Variants in PCDHA10 observed in about 807,000 individuals in gnomAD.
PCDHA10 encodes the protein protocadherin alpha-10.
Under a neutral mutation model 61.2 loss-of-function variants are expected in PCDHA10, and 45 were observed. The observed-to-expected ratio is 0.74, with a 90% CI of 0.58 to 0.94. The LOEUF is 0.94. Ranked by LOEUF, PCDHA10 falls within the 40% of genes least tolerant of loss-of-function variation. The probability of loss-of-function intolerance (pLI) is 0.00; values close to 1 mark genes in which losing one functional copy is unlikely to be tolerated. For synonymous variants in PCDHA10, 602 were observed against 548.8 expected (o/e 1.10, Z -1.35); for missense variants, 1,278 against 1,236.2 (o/e 1.03, Z -0.51).
chr5:140,906,889 G>T (rs1397235059), intron 1 of PCDHA10, among the ~76,000 whole-genome samples: 1 of 152,172 alleles, frequency 6.6e-6, no homozygotes, highest in Non-Finnish European at 1.5e-5. Flanking sequence ...TTCCTTCTTA[G>T]ATTGTTGGTT....
chr5:140,966,958 G>T (rs561982676), intron 1 of PCDHA10: 4 of 1,602,380 alleles, frequency 2.5e-6, no homozygotes, highest in African/African-American at 2.7e-5. Context: ...TGGCTCGCGC[G>T]CTGGGGCTTG....
intron 1 of PCDHA10, among the ~76,000 whole-genome samples, chr5:140,939,691 G>A (rs782722243): frequency 3.5e-4 from 53 of 152,250 alleles, no homozygotes; most frequent in African/African-American, 1.2e-3. Context: ...TGTGTTGCTG[G>A]ACATTATCAT....
rs782083775 is a variant in PCDHA10 at position 140,857,620 on chromosome 5, C to T, written c.1572C>T (p.His524=). 2 of 1,596,564 alleles carry T rather than the reference C, an allele frequency of 1.3e-6. No homozygotes were observed. The highest frequency in any genetic ancestry group is 2.2e-5 in the East Asian group (1 of 44,828). Residue 524 remains histidine (H), a synonymous_variant, in exon 1 of 4, where the codon CAC becomes CAT. Coordinates refer to ENST00000307360, the MANE Select transcript of PCDHA10 (RefSeq NM_018901.4). The part of the protein sequence containing the change: ...GKVYALQPLD[H]EELELLQFQV... ...TGTACGCGCTGCAGCCGCTGGACCACGAGGAGCTGGAGCTGCTACAGTTCC... is the reference window on the plus strand; with the variant it reads ...TGTACGCGCTGCAGCCGCTGGACCATGAGGAGCTGGAGCTGCTACAGTTCC...
rs189226531 is a variant in PCDHA10, at chr5:140,874,455, T to C, written c.2388+16019T>C. 5.3e-5 allele frequency among the ~76,000 whole-genome samples: 8 copies of C among 152,332 alleles called. No homozygotes were observed. The East Asian group carries it at 1.5e-3, about 29-fold the overall frequency. On this transcript the variant is annotated intron_variant, in intron 1 of 3. Coordinates refer to ENST00000307360, the MANE Select transcript of PCDHA10 (RefSeq NM_018901.4). ...CATGTCCTAACTACTAAATGACCTG[T>C]AGGGGAAGATTTAGAGAAAAAGCAA...
chr5:140,983,113 A>G (rs2097027812), intron 3 of PCDHA10, among the ~76,000 whole-genome samples: 2 of 152,254 alleles, frequency 1.3e-5, no homozygotes, highest in Admixed American at 6.5e-5. Context: ...CTGCACATCA[A>G]CAACATTCTG....
chr5:140,873,262 G>A (rs1196053156), intron 1 of PCDHA10, among the ~76,000 whole-genome samples: 2 of 152,136 alleles, frequency 1.3e-5, no homozygotes, highest in Non-Finnish European at 2.9e-5. Context: ...ACTCAAAAGT[G>A]ATTAAACCAT....
intron 1 of PCDHA10, among the ~76,000 whole-genome samples, chr5:140,965,934 G>C (rs1186937423): frequency 6.6e-6 from 1 of 152,212 alleles, no homozygotes; most frequent in Non-Finnish European, 1.5e-5. Context: ...CTCCCGGAAA[G>C]AGGGCAGCAT....
At chr5:140,922,856 T>C (rs2081036799) in intron 1 of PCDHA10, among the ~76,000 whole-genome samples, 1 of 152,072 alleles carries the variant, frequency 6.6e-6, no homozygotes, top group Non-Finnish European at 1.5e-5. Context: ...ACCAAATACA[T>C]AGACAAGGGG....
chr5:140,863,348 C>T, intron 1 of PCDHA10: 2 of 1,313,382 alleles, frequency 1.5e-6, no homozygotes, highest in Non-Finnish European at 2.1e-6. Flanking sequence ...CTGCTGTACA[C>T]GACGCTGCGG....
At chr5:140,963,556 T>A (rs891498931) in intron 1 of PCDHA10, among the ~76,000 whole-genome samples, 28 of 152,238 alleles carry the variant, frequency 1.8e-4, no homozygotes, top group Non-Finnish European at 3.4e-4. Context: ...AAAAAGGGGC[T>A]GTTTTCTGGT....
At position 141,011,145 on chromosome 5, in the gene PCDHA10, TCTC is replaced by T. The variant is rs1410974061; in HGVS notation, c.*1209_*1211del. The T allele has an allele frequency of 6.5e-6, 1 of 153,734 alleles. No individual in the cohort carries two copies. Among genetic ancestry groups the T allele is most frequent in the Non-Finnish European group, 1.5e-5 (1 of 68,036 alleles). 9.5% of individuals were successfully genotyped at this position (153,734 alleles called of 1,614,324 possible). A position where few individuals can be genotyped will look rare whatever the true frequency, so the allele number is the denominator to read the frequency against. On this transcript the variant is annotated 3_prime_UTR_variant, in exon 4 of 4. Transcript: ENST00000307360. Reference sequence around the variant, plus strand: ...TTATGTGCACTTTGATACACAACCTTCTCTAACCAACTATATATCAAGACCCAA... The same window carrying T: ...TTATGTGCACTTTGATACACAACCTTTAACCAACTATATATCAAGACCCAA...
At chr5:140,911,620 C>T (rs2075566183) in intron 1 of PCDHA10, among the ~76,000 whole-genome samples, 1 of 152,146 alleles carries the variant, frequency 6.6e-6, no homozygotes, top group Non-Finnish European at 1.5e-5. Context: ...CTTAGTTCCC[C>T]ACATATGGTC....
At chr5:140,968,041 C>T (rs1554230247) in intron 1 of PCDHA10, 1 of 1,614,140 alleles carries the variant, frequency 6.2e-7, no homozygotes, top group Non-Finnish European at 8.5e-7. Context: ...TGGTGAGCGG[C>T]CCACTGGACC....
Position 141,009,900 on chromosome 5 carries a change from A to G in PCDHA10, c.2810A>G (p.Glu937Gly). The G allele has an allele frequency of 6.2e-7, 1 of 1,613,166 alleles. No individual in the cohort carries two copies. The highest frequency in any genetic ancestry group is 8.5e-7 in the Non-Finnish European group (1 of 1,179,840). Residue 937 changes from glutamate (E) to glycine (G), a missense_variant, in exon 4 of 4, where the codon GAG becomes GGG. Physicochemically the swap from Glu to Gly is moderately conservative, Grantham distance 98. Coordinates refer to ENST00000307360, the MANE Select transcript of PCDHA10 (RefSeq NM_018901.4). Reference sequence around the variant, plus strand: ...GGTAACAAGACCCAGGAGAAAAAAGAGAAAGGGAACAGCACGACTGACAAC... The same window carrying G: ...GGTAACAAGACCCAGGAGAAAAAAGGGAAAGGGAACAGCACGACTGACAAC... ...KKGNKTQEKK[E>G]KGNSTTDNSD...
chr5:140,905,882 A>G (rs1213836068), intron 1 of PCDHA10, among the ~76,000 whole-genome samples: 1 of 152,192 alleles, frequency 6.6e-6, no homozygotes, highest in Admixed American at 6.5e-5. Context: ...GCCCAACAAT[A>G]GGCCATCTGC....
At chr5:140,871,418 G>A in intron 1 of PCDHA10, 4 of 1,613,874 alleles carry the variant, frequency 2.5e-6, no homozygotes, top group Admixed American at 1.7e-5. Context: ...ATGGCCTTCA[G>A]CCCCAGTCTT....
intron 1 of PCDHA10, among the ~76,000 whole-genome samples, chr5:140,940,147 GT>G (rs1459512201): frequency 6.6e-6 from 1 of 152,082 alleles, no homozygotes; most frequent in African/African-American, 2.4e-5. Flanking sequence ...AACTATTATA[GT>G]TTTTGTTTGC....
At chr5:140,969,982 G>T (rs1327490843) in intron 1 of PCDHA10, among the ~76,000 whole-genome samples, 1 of 152,184 alleles carries the variant, frequency 6.6e-6, no homozygotes, top group Non-Finnish European at 1.5e-5. Flanking sequence ...CAACTCTTCT[G>T]TAGAGGGCTG....
rs550197512 is a variant in PCDHA10, at chr5:140,883,885, C to G, written c.2388+25449C>G. On this transcript the variant is annotated intron_variant, in intron 1 of 3. Coordinates refer to ENST00000307360, the MANE Select transcript of PCDHA10 (RefSeq NM_018901.4). ...TGCAGTTCCAGGTGAGCGCGCGCGA[C>G]TCTGGCGTGCCGCCTCTGGGCAGCA... The G allele has an allele frequency of 6.1e-5, 99 of 1,613,382 alleles. No homozygotes were observed. Among genetic ancestry groups the G allele is most frequent in the East Asian group, 1.6e-4 (7 of 44,866 alleles).
Sources: allele counts gnomAD v4.1 joint callset (sites outside exome capture counted in the v4.1 genomes callset), GRCh38; gene constraint gnomAD v4.1.1; transcripts MANE v1.5; gene names NCBI Gene and HGNC (gene_info 2026-07-23, HGNC 2026-07-21).